IRS1: variants seen among roughly 807,000 people sequenced by gnomAD.
IRS1 encodes insulin receptor substrate 1.
IRS1 carries 34 observed loss-of-function variants against 65.6 expected under a neutral mutation model. The observed-to-expected ratio is 0.52, with a 90% CI of 0.39 to 0.69. The LOEUF (loss-of-function observed/expected upper bound fraction) is 0.69. IRS1 is among the 30% of genes least tolerant of loss of function. The probability of loss-of-function intolerance (pLI) is 0.00; values close to 1 mark genes in which losing one functional copy is unlikely to be tolerated. For missense variants in IRS1, 1,641 were observed against 1,720.2 expected (o/e 0.95, Z 0.81); for synonymous variants, 699 against 683.5 (o/e 1.02, Z -0.35).
intron 1 of IRS1, among the ~76,000 whole-genome samples, chr2:226,762,110 C>T (rs1938927197): frequency 6.6e-6 from 1 of 152,156 alleles, no homozygotes; most frequent in African/African-American, 2.4e-5. Context: ...AACCAGCAAT[C>T]ATTATTTTCC....
intron 1 of IRS1, among the ~76,000 whole-genome samples, chr2:226,788,624 G>A (rs983619758): frequency 6.6e-6 from 1 of 152,066 alleles, no homozygotes; most frequent in African/African-American, 2.4e-5. Flanking sequence ...ATTAAGAATG[G>A]GAGAGGTACT....
rs1939675850 is a variant in IRS1, at chr2:226,794,826, A to T, written c.*21+163T>A. ...CTACATGTTTGTTTGACTCTCTGCC[A>T]GATGTCAGTGTGGGGTGAGCATCTT... On this transcript the variant is annotated intron_variant, in intron 1 of 1. Coordinates refer to ENST00000305123, the MANE Select transcript of IRS1 (RefSeq NM_005544.3). The surrounding 1 kb of genome is among the most constrained non-coding windows in gnomAD (Gnocchi z 4.1). Among the ~76,000 whole-genome samples the T allele has an allele frequency of 6.6e-6, 1 of 152,220 alleles. No individual in the cohort carries two copies.
chr2:226,786,331 G>A (rs77723860), intron 1 of IRS1, among the ~76,000 whole-genome samples: 6,162 of 152,158 alleles, frequency 0.04, 176 homozygotes, highest in African/African-American at 0.078. Context: ...GAAAAGAGAC[G>A]TGGAAAGTAG....
At position 226,798,290 on chromosome 2, in the gene IRS1, C is replaced by G. The variant is rs1395545830; in HGVS notation, c.449G>C (p.Ser150Thr). The G allele has an allele frequency of 6.2e-7, 1 of 1,613,112 alleles. No individual in the cohort carries two copies. The highest frequency in any genetic ancestry group is 2.2e-5 in the East Asian group (1 of 44,874). The change falls in exon 1 of 2, where the codon AGC becomes ACC. Residue 150 changes from serine to threonine, a missense_variant. Transcript: ENST00000305123. This position sits in a 1 kb window ranked among gnomAD's most constrained non-coding sequence, Gnocchi z 9.4. ...SGLGEAGEDL[S>T]YGDVPPGPAF... ...GGGTCCTGGGGGCACGTCACCGTAG[C>G]TCAAGTCCTCCCCAGCCTCACCAAG... is the stretch of plus-strand genomic sequence containing the variant.
intron 1 of IRS1, among the ~76,000 whole-genome samples, chr2:226,764,910 G>A (rs1318424729): frequency 3.9e-5 from 6 of 152,170 alleles, no homozygotes; most frequent in South Asian, 2.1e-4. Context: ...ATTTTTAAGC[G>A]GTGGTTATAG....
chr2:226,775,496 A>G (rs1417046999), intron 1 of IRS1, among the ~76,000 whole-genome samples: 1 of 152,250 alleles, frequency 6.6e-6, no homozygotes, highest in Non-Finnish European at 1.5e-5. Flanking sequence ...ATGTGAACTC[A>G]TGCTTGGCTT....
chr2:226,739,361 G>A (rs981846538), intron 1 of IRS1, among the ~76,000 whole-genome samples: 6 of 152,156 alleles, frequency 3.9e-5, no homozygotes, highest in African/African-American at 1.4e-4. Flanking sequence ...CTTCACAACA[G>A]CCAACTTGGG....
chr2:226,786,646 A>C (rs1047020151), intron 1 of IRS1, among the ~76,000 whole-genome samples: 18 of 151,106 alleles, frequency 1.2e-4, no homozygotes, highest in South Asian at 4.2e-4. Flanking sequence ...CTTAAAAAAA[A>C]AAAAACAAAA....
rs1313068846 is a variant in IRS1, at chr2:226,794,629, C to T, written c.*21+360G>A. Among the ~76,000 whole-genome samples, 1 of 152,212 alleles carries T rather than the reference C, an allele frequency of 6.6e-6. No homozygotes were observed. The highest frequency in any genetic ancestry group is 2.4e-5 in the African/African-American group (1 of 41,446). On this transcript the variant is annotated intron_variant, in intron 1 of 1. Coordinates refer to ENST00000305123, the MANE Select transcript of IRS1 (RefSeq NM_005544.3). The surrounding 1 kb of genome is among the most constrained non-coding windows in gnomAD (Gnocchi z 4.1). ...AATATTTTTTGTAGAACTGTCCCTT[C>T]CAGGGGCTGACCTAAATATATAGTG...
chr2:226,799,423 C>A lies in IRS1; in HGVS notation c.-685G>T, dbSNP rs980496860. On this transcript the variant is annotated 5_prime_UTR_variant, in exon 1 of 2. Transcript: ENST00000305123. This position sits in a 1 kb window ranked among gnomAD's most constrained non-coding sequence, Gnocchi z 6.1. ...CCCGCGGGCGCGTCCTCTGCAGCCC[C>A]CATCCGGGCCCATCTCGGCGGGTGG... The A allele has an allele frequency of 1.7e-5, 21 of 1,221,200 alleles. No homozygotes were observed. In the African/African-American group the frequency reaches 3.5e-4, roughly 20 times the overall value. 75.6% of individuals were successfully genotyped at this position (1,221,200 alleles called of 1,614,324 possible). A position where few individuals can be genotyped will look rare whatever the true frequency, so the allele number is the denominator to read the frequency against.
chr2:226,774,059 A>G (rs1263085740), intron 1 of IRS1, among the ~76,000 whole-genome samples: 1 of 152,186 alleles, frequency 6.6e-6, no homozygotes, highest in African/African-American at 2.4e-5. Flanking sequence ...TTCCTACACT[A>G]CAGACCAGGC....
At chr2:226,765,987 T>TGAA (rs1939022291) in intron 1 of IRS1, among the ~76,000 whole-genome samples, 1 of 150,316 alleles carries the variant, frequency 6.7e-6, no homozygotes, top group South Asian at 2.1e-4. Context: ...CAAGTGTTCA[T>TGAA]GTTTTTGGAT....
intron 1 of IRS1, among the ~76,000 whole-genome samples, chr2:226,791,269 T>TGGCCCGCA (rs1251107127): frequency 4.6e-5 from 7 of 152,028 alleles, no homozygotes; most frequent in African/African-American, 9.7e-5. Context: ...CAACCCCACC[T>TGGCCCGCA]GGCCCGCAGG....
At position 226,796,958 on chromosome 2, in the gene IRS1, C is replaced by T. The variant is rs760535759; in HGVS notation, c.1781G>A (p.Arg594His). Residue 594 changes from arginine to histidine, a missense_variant, in exon 1 of 2, where the codon CGT (arginine) becomes CAT (histidine). Transcript: ENST00000305123. ...EEGLEMHPLE[R>H]RGGHHRPDSS... ...GTCTGGGCGGTGGTGCCCCCCCCGACGCTCCAAGGGGTGCATTTCCAGACC... is the reference window on the plus strand; with the variant it reads ...GTCTGGGCGGTGGTGCCCCCCCCGATGCTCCAAGGGGTGCATTTCCAGACC... 23 of 1,566,278 alleles carry T rather than the reference C, an allele frequency of 1.5e-5. No individual in the cohort carries two copies. Among genetic ancestry groups the T allele is most frequent in the African/African-American group, 6.7e-5 (5 of 74,156 alleles).
chr2:226,735,523 C>T lies in IRS1; in HGVS notation c.*749G>A, dbSNP rs944453852. 7 of 152,578 alleles carry T rather than the reference C, an allele frequency of 4.6e-5. No individual in the cohort carries two copies. The highest frequency in any genetic ancestry group is 1.7e-4 in the African/African-American group (7 of 41,436). The allele number at this position is 152,578 out of a possible 1,614,324, so 9.5% of individuals were successfully genotyped here. On this transcript the variant is annotated 3_prime_UTR_variant, in exon 2 of 2. Coordinates refer to ENST00000305123, the MANE Select transcript of IRS1 (RefSeq NM_005544.3). ...AATTAAGATTAATTCTTATAAGGAA[C>T]TCAGCTCAACATCAGGTTTATATGA...
At chr2:226,764,716 G>A (rs1293337680) in intron 1 of IRS1, among the ~76,000 whole-genome samples, 2 of 152,150 alleles carry the variant, frequency 1.3e-5, no homozygotes, top group Middle Eastern at 3.2e-3. Context: ...CACAGTGAGG[G>A]TGCGCCACAG....
chr2:226,749,993 T>C (rs1466221952), intron 1 of IRS1, among the ~76,000 whole-genome samples: 1 of 152,188 alleles, frequency 6.6e-6, no homozygotes, highest in Non-Finnish European at 1.5e-5. Flanking sequence ...CTCATGCCTG[T>C]AATCTCAGCA....
Position 226,799,450 on chromosome 2 carries a change from GA to G in IRS1, c.-713del. ...ATCCGGGCCCATCTCGGCGGGTGGAGAAAGTGGCTTTTCCATGCGAAACGAT... is the reference window on the plus strand; with the variant it reads ...ATCCGGGCCCATCTCGGCGGGTGGAGAAGTGGCTTTTCCATGCGAAACGAT... On this transcript the variant is annotated 5_prime_UTR_variant, in exon 1 of 2. It removes the in-frame stop codon of an upstream open reading frame in the 5' UTR. Coordinates refer to ENST00000305123, the MANE Select transcript of IRS1 (RefSeq NM_005544.3). The surrounding 1 kb of genome is among the most constrained non-coding windows in gnomAD (Gnocchi z 6.1). 1 of 1,196,720 alleles carries G rather than the reference GA, an allele frequency of 8.4e-7. No individual in the cohort carries two copies. The highest frequency in any genetic ancestry group is 1.5e-5 in the South Asian group (1 of 65,456). The allele number at this position is 1,196,720 out of a possible 1,614,324, so 74.1% of individuals were successfully genotyped here.
chr2:226,766,336 G>A (rs1050630169), intron 1 of IRS1, among the ~76,000 whole-genome samples: 2 of 149,202 alleles, frequency 1.3e-5, no homozygotes, highest in Admixed American at 6.7e-5. Flanking sequence ...GCTAATTTTT[G>A]TATCTTTAGT....
Sources: gnomAD v4.1 joint callset for allele counts (sites outside exome capture counted in the v4.1 genomes callset) on GRCh38, gnomAD v4.1.1 for gene constraint, Gnocchi (gnomAD v3.1) non-coding constraint, MANE v1.5 for transcripts, NCBI Gene and HGNC (gene_info 2026-07-23, HGNC 2026-07-21) for gene names.